Variants in ITPRID2 observed in about 807,000 individuals in gnomAD.
ITPRID2 encodes ITPR interacting domain containing 2.
A neutral mutation model predicts 124.3 loss-of-function variants in ITPRID2; 60 were observed. The observed-to-expected ratio is 0.48, with a 90% CI of 0.39 to 0.60. ITPRID2 has a LOEUF of 0.60. Among genes scored for constraint, ITPRID2 ranks in the 20% least tolerant of loss-of-function variants. The pLI, the probability that ITPRID2 is intolerant of heterozygous loss-of-function variation, is 0.00. For missense variants in ITPRID2, 1,553 were observed against 1,512.2 expected (o/e 1.03, Z -0.45); for synonymous variants, 521 against 542.9 (o/e 0.96, Z 0.56).
In ITPRID2 at chr2:181,921,954, G is replaced by T; in HGVS notation, c.3217G>T (p.Glu1073Ter). The stretch of plus-strand genomic sequence containing the variant: ...ATTTTTTTATGATCTCCAGGTCACT[G>T]AACTGATGCAGGAGCAGTCATACCT... The part of the protein sequence containing the change: ...SPLNVMEPVT[E>*]LMQEQSYLKS... The change falls in exon 16 of 18, where the codon GAA becomes TAA. Residue 1073 changes from glutamate to a stop codon, truncating the protein, a stop_gained. Transcript: ENST00000431877. LOFTEE classifies it high-confidence loss of function. The T allele has an allele frequency of 6.2e-7, 1 of 1,613,708 alleles. No individual in the cohort carries two copies. Among genetic ancestry groups the T allele is most frequent in the Non-Finnish European group, 8.5e-7 (1 of 1,179,786 alleles).
Position 181,916,185 on chromosome 2 carries a change from A to G in ITPRID2, c.2545A>G (p.Ile849Val), listed in dbSNP as rs76339980. ...TCAGTCTACCTGTTCCCTTCATTCC[A>G]TCCACTCTGAGTGGCAAGAAAGGCC... Reference protein sequence around the residue: ...MSQSTCSLHSIHSEWQERPLC... With the variant: ...MSQSTCSLHSVHSEWQERPLC... Residue 849 changes from isoleucine (I) to valine (V), a missense_variant, in exon 11 of 18, where the codon ATC becomes GTC. Transcript: ENST00000431877. 46 of 1,614,036 alleles carry G rather than the reference A, an allele frequency of 2.9e-5. No individual in the cohort carries two copies. Among genetic ancestry groups the G allele is most frequent in the Non-Finnish European group, 3.6e-5 (43 of 1,180,038 alleles).
In ITPRID2 at chr2:181,910,101, A is replaced by G. The variant is rs1295130063; in HGVS notation, c.1486+130A>G. 1 of 597,804 alleles carries G rather than the reference A, an allele frequency of 1.7e-6. No individual in the cohort carries two copies. The highest frequency in any genetic ancestry group is 2.8e-6 in the Non-Finnish European group (1 of 351,176). The allele number at this position is 597,804 out of a possible 1,614,324, so 37.0% of individuals were successfully genotyped here. On this transcript the variant is annotated intron_variant, in intron 9 of 17. Coordinates refer to ENST00000431877, the MANE Select transcript of ITPRID2 (RefSeq NM_001130445.3). This position sits in a 1 kb window ranked among gnomAD's most constrained non-coding sequence, Gnocchi z 4.1. ...AGGCAAAGAACACACACAGGTAGGC[A>G]TGATTCACTATTGTTTGTAGAACTT...
At chr2:181,927,598 T>G (rs951360096) in intron 16 of ITPRID2, among the ~76,000 whole-genome samples, 1 of 152,206 alleles carries the variant, frequency 6.6e-6, no homozygotes, top group Non-Finnish European at 1.5e-5. Flanking sequence ...AGTTTATGGT[T>G]GTTTTGAGGA....
rs780824334 is a variant in ITPRID2, at chr2:181,902,326, A to C, written c.1273A>C (p.Ser425Arg). 6.2e-7 allele frequency: 1 copy of C among 1,614,000 alleles called. No homozygotes were observed. The highest frequency in any genetic ancestry group is 1.1e-5 in the South Asian group (1 of 91,072). The change falls in exon 8 of 18, where the codon AGC becomes CGC. Residue 425 changes from serine (S) to arginine (R), a missense_variant. By Grantham distance (110) the Ser-to-Arg change is moderately radical. Transcript: ENST00000431877. The surrounding 1 kb of genome is among the most constrained non-coding windows in gnomAD (Gnocchi z 4.4). ...ATTAGATAGTGATTTCAACATATCC[A>C]GCCACAGTGAGCTGGAAAATAGCAG... is the stretch of plus-strand genomic sequence containing the variant. ...SKLDSDFNIS[S>R]HSELENSSEL... is the part of the protein sequence containing the mutation.
rs1448309147 is a variant in ITPRID2 at position 181,891,983 on chromosome 2, G to T, written c.-84G>T. 4 of 1,398,334 alleles carry T rather than the reference G, an allele frequency of 2.9e-6. No individual in the cohort carries two copies. Among genetic ancestry groups the T allele is most frequent in the South Asian group, 1.4e-5 (1 of 70,092 alleles). The allele number at this position is 1,398,334 out of a possible 1,614,324, so 86.6% of individuals were successfully genotyped here. ...TCCCCGGGGCCCCCTGCCCGGCCGG[G>T]CGCTGACAGCAAGGGCGGGGGTCCC... On this transcript the variant is annotated 5_prime_UTR_variant, in exon 1 of 18. Coordinates refer to ENST00000431877, the MANE Select transcript of ITPRID2 (RefSeq NM_001130445.3).
At chr2:181,906,709 A>G (rs1456124006) in intron 8 of ITPRID2, among the ~76,000 whole-genome samples, 1 of 152,084 alleles carries the variant, frequency 6.6e-6, no homozygotes, top group African/African-American at 2.4e-5. Context: ...ACTGCACTCC[A>G]GCCTGGGCAA....
chr2:181,901,784 A>T lies in ITPRID2; in HGVS notation c.731A>T (p.Glu244Val). ...YALTSRFRQI[E>V]VLTTVANAFS... ...TTGGTAGGCCGTTTTCGTCAAATTG[A>T]AGTGCTTACTACTGTGGCCAATGCG... Residue 244 changes from glutamate to valine, a missense_variant, in exon 8 of 18, where the codon GAA becomes GTA. By Grantham distance (121) the Glu-to-Val change is moderately radical. Transcript: ENST00000431877. 1 of 1,588,484 alleles carries T rather than the reference A, an allele frequency of 6.3e-7. No individual in the cohort carries two copies. Among genetic ancestry groups the T allele is most frequent in the Non-Finnish European group, 8.5e-7 (1 of 1,169,916 alleles).
chr2:181,928,696 G>C (rs1041806610), intron 17 of ITPRID2, among the ~76,000 whole-genome samples: 3 of 151,754 alleles, frequency 2.0e-5, no homozygotes, highest in Non-Finnish European at 2.9e-5. Flanking sequence ...CGGGATCTCG[G>C]CTCACTGCAA....
chr2:181,904,876 T>C (rs1191344302), intron 8 of ITPRID2, among the ~76,000 whole-genome samples: 1 of 152,088 alleles, frequency 6.6e-6, no homozygotes, highest in East Asian at 1.9e-4. Flanking sequence ...GACAAAATAC[T>C]TAAATGTAAA....
chr2:181,909,026 A>G (rs1693386548), intron 8 of ITPRID2, among the ~76,000 whole-genome samples: 1 of 152,172 alleles, frequency 6.6e-6, no homozygotes, highest in Non-Finnish European at 1.5e-5. Context: ...ATTATGTTAG[A>G]ATAGACAGAG....
chr2:181,922,814 C>T (rs375545344), intron 16 of ITPRID2, among the ~76,000 whole-genome samples: 2 of 151,914 alleles, frequency 1.3e-5, no homozygotes, highest in East Asian at 3.9e-4. Flanking sequence ...CCCAGCTACT[C>T]GGGAGGCTGG....
intron 6 of ITPRID2, 30 bp downstream of exon 6, chr2:181,899,142 A>G: frequency 6.7e-7 from 1 of 1,483,334 alleles, no homozygotes; most frequent in Non-Finnish European, 9.3e-7. Flanking sequence ...TGTTGGAATT[A>G]CATTGTGCTA....
chr2:181,917,097 CAAA>C, intron 11 of ITPRID2: 2 of 868,506 alleles, frequency 2.3e-6, no homozygotes, highest in East Asian at 1.2e-4. Context: ...ATAATTTTCC[CAAA>C]AAAATTTTGA....
At chr2:181,926,232 C>T (rs779557946) in intron 16 of ITPRID2, among the ~76,000 whole-genome samples, 4 of 152,038 alleles carry the variant, frequency 2.6e-5, no homozygotes, top group Non-Finnish European at 4.4e-5. Context: ...CCCCTACACT[C>T]CACTCTGGAT....
chr2:181,928,403 T>C (rs1446930577), intron 17 of ITPRID2, 125 bp downstream of exon 17: 3 of 544,642 alleles, frequency 5.5e-6, no homozygotes, highest in African/African-American at 3.8e-5. Context: ...GTATGTAATA[T>C]GTTATTTTAC....
At chr2:181,898,559 A>T (rs1292811028) in intron 4 of ITPRID2, among the ~76,000 whole-genome samples, 1 of 152,122 alleles carries the variant, frequency 6.6e-6, no homozygotes, top group African/African-American at 2.4e-5. Flanking sequence ...TATATGGTAC[A>T]TATCTTCCTC....
chr2:181,913,292 C>A (rs926527454), intron 9 of ITPRID2, among the ~76,000 whole-genome samples: 1 of 152,268 alleles, frequency 6.6e-6, no homozygotes, highest in East Asian at 1.9e-4. Flanking sequence ...TGGTCTCGAT[C>A]TCCTAACCTC....
Position 181,900,857 on chromosome 2 carries a change from C to T in ITPRID2, c.665C>T (p.Ala222Val). The T allele has an allele frequency of 6.2e-7, 1 of 1,612,580 alleles. No homozygotes were observed. The highest frequency in any genetic ancestry group is 2.2e-5 in the East Asian group (1 of 44,760). Residue 222 changes from alanine to valine, a missense_variant, in exon 7 of 18, where the codon GCT becomes GTT. Ala to Val is a moderately conservative substitution (Grantham distance 64). Coordinates refer to ENST00000431877, the MANE Select transcript of ITPRID2 (RefSeq NM_001130445.3). ...KGIDIKVFLSAQMQRMEVENP... is the reference protein window; with the variant it reads ...KGIDIKVFLSVQMQRMEVENP... ...ATAGATATTAAAGTATTTTTGAGTG[C>T]TCAGATGCAACGGATGGAAGTAGAA...
chr2:181,895,308 T>A (rs1487056591), intron 2 of ITPRID2, among the ~76,000 whole-genome samples: 1 of 152,014 alleles, frequency 6.6e-6, no homozygotes, highest in East Asian at 1.9e-4. Flanking sequence ...ATTTTTGTAT[T>A]TGAAAAAAAG....
Sources: gnomAD v4.1 joint callset for allele counts (sites outside exome capture counted in the v4.1 genomes callset) on GRCh38, gnomAD v4.1.1 for gene constraint, Gnocchi (gnomAD v3.1) non-coding constraint, MANE v1.5 for transcripts, NCBI Gene and HGNC (gene_info 2026-07-23, HGNC 2026-07-21) for gene names.